The following APRT variants were observed in gnomAD, a reference collection of about 807,000 sequenced individuals.
The protein encoded by APRT is adenine phosphoribosyltransferase, also known as AMP diphosphorylase.
A neutral mutation model predicts 21.0 loss-of-function variants in APRT; 25 were observed. That is an observed-to-expected ratio of 1.19 (90% CI 0.87 to 1.66). The LOEUF (loss-of-function observed/expected upper bound fraction) is 1.66. Ranked by LOEUF, APRT falls within the 40% of genes most tolerant of loss-of-function variation. The probability of loss-of-function intolerance (pLI) is 0.00; values close to 1 mark genes in which losing one functional copy is unlikely to be tolerated. For missense variants in APRT, 294 were observed against 232.7 expected (o/e 1.26, Z -1.72); for synonymous variants, 153 against 109.0 (o/e 1.40, Z -2.52).
intron 2 of APRT, chr16:88,811,314 G>C (rs1029584608): frequency 1.6e-5 from 9 of 568,840 alleles, no homozygotes; most frequent in Non-Finnish European, 2.2e-5. Context: ...CCGGCAACTC[G>C]GTCACGCCTG....
rs906011976 is a variant in APRT at position 88,811,434 on chromosome 16, C to G, written c.187+116G>C. On this transcript the variant is annotated intron_variant, in intron 2 of 4. Coordinates refer to ENST00000378364, the MANE Select transcript of APRT (RefSeq NM_000485.3). ...GGCGACCCAAGCACGGCGCCCGTCC[C>G]GGCGCCCCCTGAAGCACCCCAAAGG... is the stretch of plus-strand genomic sequence containing the variant. The G allele has an allele frequency of 1.1e-5, 13 of 1,144,832 alleles. No homozygotes were observed. In the Admixed American group the frequency reaches 2.7e-4, roughly 24 times the overall value. 70.9% of individuals were successfully genotyped at this position (1,144,832 alleles called of 1,614,324 possible). A position where few individuals can be genotyped will look rare whatever the true frequency, so the allele number is the denominator to read the frequency against.
chr16:88,809,710 C>A lies in APRT; in HGVS notation c.531G>T (p.Leu177=). The A allele has an allele frequency of 1.2e-6, 2 of 1,613,430 alleles. No individual in the cohort carries two copies. ...KLAPVPFFSL[L]QYE is the part of the protein sequence containing the mutation. ...GGAGGCCCTGTGGTCACTCATACTG[C>A]AGGAGAGAGAAGAAGGGTACAGGTG... The change falls in exon 5 of 5, where the codon CTG becomes CTT. Residue 177 remains leucine (L), a synonymous_variant. Coordinates refer to ENST00000378364, the MANE Select transcript of APRT (RefSeq NM_000485.3).
intron 2 of APRT, among the ~76,000 whole-genome samples, chr16:88,810,853 ACT>A (rs1434137396): frequency 6.6e-6 from 1 of 151,968 alleles, no homozygotes; most frequent in Non-Finnish European, 1.5e-5. Flanking sequence ...GCCTCAGCTT[ACT>A]CTCAAAGGCA....
Position 88,809,457 on chromosome 16 carries a change from A to G in APRT, c.*241T>C. On this transcript the variant is annotated 3_prime_UTR_variant, in exon 5 of 5. Coordinates refer to ENST00000378364, the MANE Select transcript of APRT (RefSeq NM_000485.3). The stretch of plus-strand genomic sequence containing the variant: ...TCCCTGCCCTGGGGAACAGGAGGAC[A>G]GGAGACGGCTCTTGTGGGAAAGCTG... 4 of 652,102 alleles carry G rather than the reference A, an allele frequency of 6.1e-6. No individual in the cohort carries two copies. Among genetic ancestry groups the G allele is most frequent in the Non-Finnish European group, 8.3e-6 (3 of 359,588 alleles). The allele number at this position is 652,102 out of a possible 1,614,324, so 40.4% of individuals were successfully genotyped here.
chr16:88,811,758 C>T (rs1909153321), intron 1 of APRT, 62 bp downstream of exon 1: 2 of 1,511,020 alleles, frequency 1.3e-6, no homozygotes, highest in African/African-American at 1.4e-5. Flanking sequence ...AGGTCGCGGG[C>T]CACGCGCTCC....
At position 88,811,852 on chromosome 16, in the gene APRT, G is replaced by GA. The variant is rs1421315799; in HGVS notation, c.47dup (p.Asp18ArgfsTer92). 4.5e-6 allele frequency: 7 copies of GA among 1,572,852 alleles called. No individual in the cohort carries two copies. Among genetic ancestry groups the GA allele is most frequent in the Non-Finnish European group, 6.0e-6 (7 of 1,161,234 alleles). ...CCACGCCTGGGGTGGGGAAGTCGGGGAAGCTGCGGATCCGCTGCTCAACCA... is the reference window on the plus strand; with the variant it reads ...CCACGCCTGGGGTGGGGAAGTCGGGGAAAGCTGCGGATCCGCTGCTCAACCA... On this transcript the variant is annotated frameshift_variant, in exon 1 of 5. Coordinates refer to ENST00000378364, the MANE Select transcript of APRT (RefSeq NM_000485.3). LOFTEE classifies it high-confidence loss of function.
At chr16:88,810,331 C>G (rs1304450556) in intron 3 of APRT, 92 bp downstream of exon 3, 1 of 1,570,944 alleles carries the variant, frequency 6.4e-7, no homozygotes, top group African/African-American at 1.4e-5. Context: ...AGCAGCTCCA[C>G]TTGACACGCC....
In APRT at chr16:88,809,849, G is replaced by C; in HGVS notation, c.401-9C>G. On this transcript the variant is annotated splice_polypyrimidine_tract_variant and intron_variant, in intron 4 of 4. Transcript: ENST00000378364. ...GGCAGCGTTCATGGTTCCTGGGGATGGGAGGGTGAGGTCCCCAGTTGGCCT... is the reference window on the plus strand; with the variant it reads ...GGCAGCGTTCATGGTTCCTGGGGATCGGAGGGTGAGGTCCCCAGTTGGCCT... 1 of 1,610,028 alleles carries C rather than the reference G, an allele frequency of 6.2e-7. No individual in the cohort carries two copies. Among genetic ancestry groups the C allele is most frequent in the Non-Finnish European group, 8.5e-7 (1 of 1,179,622 alleles).
At chr16:88,811,411 C>T in intron 2 of APRT, 139 bp downstream of exon 2, 4 of 917,018 alleles carry the variant, frequency 4.4e-6, no homozygotes, top group Non-Finnish European at 4.9e-6. Flanking sequence ...CCTTCCCGGG[C>T]GACCCAAGCA....
At chr16:88,810,766 G>C (rs1190156073) in intron 2 of APRT, among the ~76,000 whole-genome samples, 2 of 152,188 alleles carry the variant, frequency 1.3e-5, no homozygotes, top group Non-Finnish European at 2.9e-5. Flanking sequence ...TCTTAGCTGT[G>C]TGTTCCTAGG....
Position 88,810,053 on chromosome 16 carries a change from T to C in APRT, c.400+17A>G, listed in dbSNP as rs774880744. 3.4e-5 allele frequency: 55 copies of C among 1,612,600 alleles called. No individual in the cohort carries two copies. The Admixed American group carries it at 8.8e-4, about 26-fold the overall frequency. ...GGCCCTTGGAGCCACAGCAGTTGGCTGCGGGGAGACCCTTACCACCAGTGG... is the reference window on the plus strand; with the variant it reads ...GGCCCTTGGAGCCACAGCAGTTGGCCGCGGGGAGACCCTTACCACCAGTGG... On this transcript the variant is annotated intron_variant, in intron 4 of 4. Transcript: ENST00000378364.
rs1909147658 is a variant in APRT, at chr16:88,811,667, G to C, written c.81-11C>G. 6.4e-7 allele frequency: 1 copy of C among 1,571,898 alleles called. No individual in the cohort carries two copies. ...ACGGGCGAGATGTCCCTGGACCCAA[G>C]GACAGGCCTGGTGACGCCGGGGCCG... is the stretch of plus-strand genomic sequence containing the variant. On this transcript the variant is annotated splice_polypyrimidine_tract_variant and intron_variant, in intron 1 of 4. Coordinates refer to ENST00000378364, the MANE Select transcript of APRT (RefSeq NM_000485.3).
At chr16:88,810,402 T>C in intron 3 of APRT, 21 bp downstream of exon 3, 1 of 1,610,676 alleles carries the variant, frequency 6.2e-7, no homozygotes, top group Non-Finnish European at 8.5e-7. Flanking sequence ...GCCCTTCCTC[T>C]GGCCACCCCA....
rs1909014839 is a variant in APRT at position 88,809,446 on chromosome 16, A to G, written c.*252T>C. On this transcript the variant is annotated 3_prime_UTR_variant, in exon 5 of 5. Transcript: ENST00000378364. The stretch of plus-strand genomic sequence containing the variant: ...TGTCCTGGGGCTCCCTGCCCTGGGG[A>G]ACAGGAGGACAGGAGACGGCTCTTG... The G allele has an allele frequency of 1.6e-6, 1 of 624,664 alleles. No homozygotes were observed. The highest frequency in any genetic ancestry group is 1.8e-5 in the African/African-American group (1 of 55,524). The allele number at this position is 624,664 out of a possible 1,614,324, so 38.7% of individuals were successfully genotyped here.
intron 4 of APRT, 48 bp from the exon 5 acceptor site, chr16:88,809,888 C>G (rs749210314): frequency 2.5e-6 from 4 of 1,601,162 alleles, no homozygotes; most frequent in Non-Finnish European, 3.4e-6. Flanking sequence ...CTGCAGAGAG[C>G]AGGTGCTCCA....
chr16:88,811,915 G>T lies in APRT; in HGVS notation c.-16C>A. ...AGTCGGCCATGGCCGCGTGCGAAGA[G>T]CCAGCGGCAGCCCGAGCGCGCCTGC... On this transcript the variant is annotated 5_prime_UTR_variant, in exon 1 of 5. Coordinates refer to ENST00000378364, the MANE Select transcript of APRT (RefSeq NM_000485.3). The T allele has an allele frequency of 6.5e-7, 1 of 1,539,158 alleles. No homozygotes were observed. Among genetic ancestry groups the T allele is most frequent in the Non-Finnish European group, 8.7e-7 (1 of 1,145,532 alleles).
At chr16:88,810,580 G>C (rs748250182) in intron 2 of APRT, 24 bp from the exon 3 acceptor site, 4 of 1,608,240 alleles carry the variant, frequency 2.5e-6, no homozygotes, top group Non-Finnish European at 3.4e-6. Context: ...TGACAGGAGT[G>C]ACTCGGCAGC....
At chr16:88,810,605 G>A (rs554698979) in intron 2 of APRT, 49 bp from the exon 3 acceptor site, 1 of 1,600,238 alleles carries the variant, frequency 6.2e-7, no homozygotes, top group African/African-American at 1.3e-5. Flanking sequence ...GAATCCCCAG[G>A]GGCCAGGGTT....
rs1162418687 is a variant in APRT at position 88,809,716 on chromosome 16, A to G, written c.525T>C (p.Ser175=). The G allele has an allele frequency of 6.2e-7, 1 of 1,613,382 alleles. No homozygotes were observed. The change falls in exon 5 of 5, where the codon TCT becomes TCC. Residue 175 remains serine, a synonymous_variant. Transcript: ENST00000378364. ...CCTGTGGTCACTCATACTGCAGGAG[A>G]GAGAAGAAGGGTACAGGTGCCAGCT... ...REKLAPVPFF[S]LLQYE
Sources: gnomAD v4.1 joint callset for allele counts (sites outside exome capture counted in the v4.1 genomes callset) on GRCh38, gnomAD v4.1.1 for gene constraint, MANE v1.5 for transcripts, NCBI Gene and HGNC (gene_info 2026-07-23, HGNC 2026-07-21) for gene names.